Variants in MICU1 observed in about 807,000 individuals in gnomAD.
MICU1 encodes calcium uptake protein 1, mitochondrial.
MICU1 carries 45 observed loss-of-function variants against 56.8 expected under a neutral mutation model. The observed-to-expected ratio is 0.79, with a 90% CI of 0.62 to 1.02. The LOEUF is 1.02. MICU1 is among the 50% of genes least tolerant of loss of function. MICU1 has a pLI of 0.00. For synonymous variants in MICU1, 186 were observed against 195.1 expected (o/e 0.95, Z 0.39); for missense variants, 504 against 587.1 (o/e 0.86, Z 1.46).
intron 1 of MICU1, among the ~76,000 whole-genome samples, chr10:72,590,471 T>C (rs1232539845): frequency 6.6e-6 from 1 of 152,030 alleles, no homozygotes; most frequent in Non-Finnish European, 1.5e-5. Flanking sequence ...ACTGCAAACC[T>C]TGCTCTCGAT....
chr10:72,562,147 C>CTTTTTTTTTTTTTTTTTT lies in MICU1; in HGVS notation c.330+730_330+747dup, dbSNP rs533702573. Among the ~76,000 whole-genome samples the CTTTTTTTTTTTTTTTTTT allele has an allele frequency of 8.5e-5, 7 of 82,648 alleles. 1 individual carries two copies. Among genetic ancestry groups the CTTTTTTTTTTTTTTTTTT allele is most frequent in the Non-Finnish European group, 1.5e-4 (7 of 45,678 alleles). The allele number at this position is 82,648 out of a possible 152,430, so 54.2% of individuals were successfully genotyped here. A position where few individuals can be genotyped will look rare whatever the true frequency, so the allele number is the denominator to read the frequency against. Reference sequence around the variant, plus strand: ...GCAGGTTGTGTTAATTACATAAAATCTTTTTTTTTTTTTTTTTTTTTTTTG... The same window carrying CTTTTTTTTTTTTTTTTTT: ...GCAGGTTGTGTTAATTACATAAAATCTTTTTTTTTTTTTTTTTTTTTTTTTTTTTTTTTTTTTTTTTTG... On this transcript the variant is annotated intron_variant, in intron 3 of 11. Coordinates refer to ENST00000361114, the MANE Select transcript of MICU1 (RefSeq NM_001195518.2).
At chr10:72,492,693 G>A (rs558227717) in intron 6 of MICU1, among the ~76,000 whole-genome samples, 1 of 151,202 alleles carries the variant, frequency 6.6e-6, no homozygotes, top group Non-Finnish European at 1.5e-5. Context: ...AACCCGGGAG[G>A]TGGAGGCTTC....
At chr10:72,551,147 T>A (rs781110919) in intron 4 of MICU1, 32 bp downstream of exon 4, 1 of 1,562,102 alleles carries the variant, frequency 6.4e-7, no homozygotes, top group Admixed American at 2.0e-5. Context: ...AAAATAAATA[T>A]CACAGTCTTA....
At chr10:72,510,993 C>T (rs1032292006) in intron 5 of MICU1, among the ~76,000 whole-genome samples, 2 of 152,196 alleles carry the variant, frequency 1.3e-5, no homozygotes, top group Admixed American at 6.5e-5. Flanking sequence ...TAGCTATTTT[C>T]ACCCTGATCA....
At chr10:72,506,929 C>T (rs1867271929) in intron 6 of MICU1, among the ~76,000 whole-genome samples, 1 of 152,150 alleles carries the variant, frequency 6.6e-6, no homozygotes, top group Non-Finnish European at 1.5e-5. Flanking sequence ...TTTATTCAGA[C>T]ACTTTGGTGT....
chr10:72,429,462 T>G (rs1864457373), intron 8 of MICU1, among the ~76,000 whole-genome samples: 1 of 149,672 alleles, frequency 6.7e-6, no homozygotes, highest in South Asian at 2.1e-4. Flanking sequence ...AATGTAGCAA[T>G]TAATTTTATT....
chr10:72,450,995 C>T (rs141732852), intron 8 of MICU1, among the ~76,000 whole-genome samples: 6,594 of 140,770 alleles, frequency 0.047, 406 homozygotes, highest in East Asian at 0.21. Context: ...GGATTACAGG[C>T]GTGAGCTACT....
At chr10:72,587,496 G>A (rs1332350572) in intron 1 of MICU1, among the ~76,000 whole-genome samples, 9 of 149,306 alleles carry the variant, frequency 6.0e-5, no homozygotes, top group Non-Finnish European at 1.0e-4. Flanking sequence ...TAGGCCAGGC[G>A]CAGTGGCTCA....
intron 3 of MICU1, among the ~76,000 whole-genome samples, chr10:72,551,563 C>A (rs1176151614): frequency 6.6e-6 from 1 of 151,876 alleles, no homozygotes; most frequent in South Asian, 2.1e-4. Flanking sequence ...CATTCATATT[C>A]CAGTTGAGGC....
At chr10:72,591,938 G>A (rs1841236575) in intron 1 of MICU1, among the ~76,000 whole-genome samples, 2 of 151,432 alleles carry the variant, frequency 1.3e-5, no homozygotes, top group Non-Finnish European at 1.5e-5. Flanking sequence ...TTGAACCCAA[G>A]AGGCAGAGGT....
rs1865476525 is a variant in MICU1 at position 72,456,850 on chromosome 10, TGTGTGTGTGTGTGTGTGTGTG to T, written c.933+18229_933+18249del. 1.1e-3 allele frequency among the ~76,000 whole-genome samples: 2 copies of T among 1,802 alleles called. 1 individual carries two copies. Among genetic ancestry groups the T allele is most frequent in the Non-Finnish European group, 3.3e-3 (2 of 604 alleles). 1.2% of individuals were successfully genotyped at this position (1,802 alleles called of 152,430 possible). A position where few individuals can be genotyped will look rare whatever the true frequency, so the allele number is the denominator to read the frequency against. ...ATGCACCACCATGCCGGGCTCATTT[TGTGTGTGTGTGTGTGTGTGTG>T]TGTGTGTGTGTGTGTGTGTGTGTGT... On this transcript the variant is annotated intron_variant, in intron 8 of 11. Transcript: ENST00000361114.
At chr10:72,549,049 T>C (rs921998759) in intron 4 of MICU1, among the ~76,000 whole-genome samples, 3 of 152,112 alleles carry the variant, frequency 2.0e-5, no homozygotes, top group African/African-American at 4.8e-5. Context: ...GGGGTGATGG[T>C]TCTATATAGT....
chr10:72,544,980 G>A (rs1006857145), intron 4 of MICU1, among the ~76,000 whole-genome samples: 1 of 152,098 alleles, frequency 6.6e-6, no homozygotes, highest in Non-Finnish European at 1.5e-5. Context: ...CACAAATTTA[G>A]ATCTGTTGGG....
At chr10:72,542,954 G>C (rs1839810655) in intron 4 of MICU1, among the ~76,000 whole-genome samples, 1 of 152,204 alleles carries the variant, frequency 6.6e-6, no homozygotes, top group African/African-American at 2.4e-5. Flanking sequence ...TCTCTGGCTG[G>C]ACTCTTCACC....
At chr10:72,510,418 A>C (rs959238495) in intron 5 of MICU1, among the ~76,000 whole-genome samples, 1 of 152,180 alleles carries the variant, frequency 6.6e-6, no homozygotes, top group Non-Finnish European at 1.5e-5. Flanking sequence ...ACATCATGCC[A>C]CTTTATGCTT....
At chr10:72,584,923 A>C (rs1440032647) in intron 1 of MICU1, among the ~76,000 whole-genome samples, 1 of 152,152 alleles carries the variant, frequency 6.6e-6, no homozygotes, top group Non-Finnish European at 1.5e-5. Flanking sequence ...GAAAGTTTAA[A>C]CACTGCTCCA....
At chr10:72,533,650 G>A in intron 5 of MICU1, 96 bp downstream of exon 5, 3 of 877,096 alleles carry the variant, frequency 3.4e-6, no homozygotes, top group Non-Finnish European at 3.5e-6. Context: ...AGATAAACAG[G>A]TATTCAGTGA....
chr10:72,592,772 C>T (rs1589373740), intron 1 of MICU1, among the ~76,000 whole-genome samples: 2 of 151,492 alleles, frequency 1.3e-5, no homozygotes, highest in East Asian at 1.9e-4. Flanking sequence ...AAATTCCACA[C>T]ACTTTTCTTT....
At chr10:72,463,304 C>G (rs1487193685) in intron 8 of MICU1, among the ~76,000 whole-genome samples, 9 of 152,214 alleles carry the variant, frequency 5.9e-5, no homozygotes, top group African/African-American at 1.9e-4. Context: ...ATCAGGTGAT[C>G]TGCCCACCTT....
Sources: allele counts gnomAD v4.1 joint callset (sites outside exome capture counted in the v4.1 genomes callset), GRCh38; gene constraint gnomAD v4.1.1; transcripts MANE v1.5; gene names NCBI Gene and HGNC (gene_info 2026-07-23, HGNC 2026-07-21).